Variants in ITGA11 observed in about 807,000 individuals in gnomAD.
ITGA11 encodes integrin alpha-11.
A neutral mutation model predicts 141.9 loss-of-function variants in ITGA11; 97 were observed. The observed-to-expected ratio is 0.68, with a 90% CI of 0.58 to 0.81. The LOEUF is 0.81. Ranked by LOEUF, ITGA11 falls within the 30% of genes least tolerant of loss-of-function variation. The pLI, the probability that ITGA11 is intolerant of heterozygous loss-of-function variation, is 0.00. For missense variants in ITGA11, 1,387 were observed against 1,559.2 expected, an observed-to-expected ratio of 0.89 and a Z score of 1.86; for synonymous variants, 658 against 624.6, an observed-to-expected ratio of 1.05 and a Z score of -0.80.
At position 68,326,648 on chromosome 15, in the gene ITGA11, G is replaced by T; in HGVS notation, c.2211+6C>A. The stretch of plus-strand genomic sequence containing the variant: ...TTGGGCTCTGCTGGTGGGGCTGCCA[G>T]CTTACCAGGACATGGAAGTTGATCC... On this transcript the variant is annotated splice_donor_region_variant and intron_variant, in intron 17 of 29. Coordinates refer to ENST00000315757, the MANE Select transcript of ITGA11 (RefSeq NM_001004439.2). This position sits in a 1 kb window ranked among gnomAD's most constrained non-coding sequence, Gnocchi z 6.8. 6.3e-7 allele frequency: 1 copy of T among 1,585,202 alleles called. No homozygotes were observed. Among genetic ancestry groups the T allele is most frequent in the East Asian group, 2.3e-5 (1 of 43,394 alleles).
intron 1 of ITGA11, among the ~76,000 whole-genome samples, chr15:68,405,879 C>A (rs946559822): frequency 2.0e-5 from 3 of 152,148 alleles, no homozygotes; most frequent in Non-Finnish European, 4.4e-5. Context: ...CACACATGCA[C>A]ACGCACACAG....
rs2271720 is a variant in ITGA11 at position 68,307,676 on chromosome 15, G to A, written c.3195C>T (p.Val1065=). 846 of 1,613,120 alleles carry A rather than the reference G, an allele frequency of 5.2e-4. 11 individuals carry two copies. The East Asian group carries it at 0.017, about 33-fold the overall frequency. ...GCCGTATATTGCAGTTGATGGAGACGACATCAGAGTTGCTGTGATTCTGAA... is the reference window on the plus strand; with the variant it reads ...GCCGTATATTGCAGTTGATGGAGACAACATCAGAGTTGCTGTGATTCTGAA... ...APQLNHSNSD[V]VSINCNIRLV... The change falls in exon 27 of 30, where the codon GTC becomes GTT. Residue 1065 remains valine (V), a synonymous_variant. Coordinates refer to ENST00000315757, the MANE Select transcript of ITGA11 (RefSeq NM_001004439.2). The surrounding 1 kb of genome is among the most constrained non-coding windows in gnomAD (Gnocchi z 6.1).
At chr15:68,345,965 G>GGTTTTA (rs1177529611) in intron 10 of ITGA11, among the ~76,000 whole-genome samples, 7 of 152,126 alleles carry the variant, frequency 4.6e-5, no homozygotes, top group Non-Finnish European at 1.0e-4. Context: ...GCATTTGAAA[G>GGTTTTA]GTTTTTGTTT....
intron 1 of ITGA11, among the ~76,000 whole-genome samples, chr15:68,407,512 G>C (rs77603163): frequency 6.6e-6 from 1 of 152,150 alleles, no homozygotes; most frequent in African/African-American, 2.4e-5. Flanking sequence ...TTTTCTCAGA[G>C]ATTGATGACT....
intron 7 of ITGA11, among the ~76,000 whole-genome samples, chr15:68,352,954 A>G (rs1894961005): frequency 6.6e-6 from 1 of 152,220 alleles, no homozygotes; most frequent in Non-Finnish European, 1.5e-5. Context: ...ACATGGTCTC[A>G]CCGAGGAGTC....
rs1893137211 is a variant in ITGA11 at position 68,304,799 on chromosome 15, AC to A, written c.3382-915del. Among the ~76,000 whole-genome samples the A allele has an allele frequency of 6.6e-6, 1 of 152,182 alleles. No homozygotes were observed. Among genetic ancestry groups the A allele is most frequent in the East Asian group, 1.9e-4 (1 of 5,194 alleles). On this transcript the variant is annotated intron_variant, in intron 28 of 29. Transcript: ENST00000315757. This position sits in a 1 kb window ranked among gnomAD's most constrained non-coding sequence, Gnocchi z 6.1. ...TCAGGCCAGAAGCCATGTATCCATC[AC>A]TGACCCTAACTCTCACACCCACACG...
chr15:68,405,912 G>GCA (rs369810967), intron 1 of ITGA11, among the ~76,000 whole-genome samples: 11 of 151,992 alleles, frequency 7.2e-5, no homozygotes, highest in East Asian at 3.9e-4. Context: ...GCACGCACGT[G>GCA]CACACACACA....
Position 68,315,627 on chromosome 15 carries a change from A to T in ITGA11, c.2792+24T>A, listed in dbSNP as rs566961278. On this transcript the variant is annotated intron_variant, in intron 22 of 29. Transcript: ENST00000315757. ...GGCCCCGGAATAGCAAGCTTTGGGG[A>T]GAAGGAGCAGGCACGGCCCTGACCT... 29 of 1,600,738 alleles carry T rather than the reference A, an allele frequency of 1.8e-5. No homozygotes were observed. In the African/African-American group the frequency reaches 3.6e-4, roughly 20 times the overall value.
intron 1 of ITGA11, among the ~76,000 whole-genome samples, chr15:68,419,716 G>A (rs181842667): frequency 8.7e-4 from 133 of 152,300 alleles, no homozygotes; most frequent in African/African-American, 3.0e-3. Context: ...AGAAGAGATC[G>A]AATGGAAGTC....
chr15:68,321,712 C>T lies in ITGA11; in HGVS notation c.2323-209G>A, dbSNP rs1013281483. Among the ~76,000 whole-genome samples, 23 of 152,288 alleles carry T rather than the reference C, an allele frequency of 1.5e-4. No homozygotes were observed. Among genetic ancestry groups the T allele is most frequent in the African/African-American group, 5.5e-4 (23 of 41,560 alleles). ...AAGCTCAGCTCCTCCTGGCTCCCCT[C>T]CAGTTCATAACTGAGCTGATGGCAC... On this transcript the variant is annotated intron_variant, in intron 18 of 29. Transcript: ENST00000315757. The surrounding 1 kb of genome is among the most constrained non-coding windows in gnomAD (Gnocchi z 4.9).
intron 1 of ITGA11, among the ~76,000 whole-genome samples, chr15:68,415,662 G>C (rs758793843): frequency 1.8e-4 from 27 of 152,208 alleles, no homozygotes; most frequent in Non-Finnish European, 3.2e-4. Context: ...ACCTTCCCCG[G>C]GAGGAGGAGC....
chr15:68,334,921 G>C (rs2140308294), intron 12 of ITGA11, among the ~76,000 whole-genome samples: 1 of 152,222 alleles, frequency 6.6e-6, no homozygotes, highest in South Asian at 2.1e-4. Context: ...CTGCACCCAA[G>C]AGACAGGAGG....
At chr15:68,430,184 C>T (rs1897237307) in intron 1 of ITGA11, among the ~76,000 whole-genome samples, 1 of 152,226 alleles carries the variant, frequency 6.6e-6, no homozygotes, top group Admixed American at 6.5e-5. Flanking sequence ...AAGCGGAGCT[C>T]TGAGTCACAA....
intron 1 of ITGA11, among the ~76,000 whole-genome samples, chr15:68,410,494 A>G (rs1896748862): frequency 6.6e-6 from 1 of 152,224 alleles, no homozygotes; most frequent in Non-Finnish European, 1.5e-5. Flanking sequence ...GGCCTAGGCA[A>G]AAAGATATGG....
intron 26 of ITGA11, among the ~76,000 whole-genome samples, chr15:68,309,410 C>T (rs1245994240): frequency 6.6e-6 from 1 of 152,080 alleles, no homozygotes; most frequent in African/African-American, 2.4e-5. Flanking sequence ...TCGCTCCTCT[C>T]AAAGGGACTT....
intron 10 of ITGA11, among the ~76,000 whole-genome samples, chr15:68,345,625 C>A (rs535459830): frequency 1.3e-5 from 2 of 152,236 alleles, no homozygotes; most frequent in Admixed American, 1.3e-4. Context: ...TAAACAGGCC[C>A]GGGGAAGCCC....
Position 68,431,412 on chromosome 15 carries a change from C to A in ITGA11, c.52+603G>T, listed in dbSNP as rs185469133. Among the ~76,000 whole-genome samples the A allele has an allele frequency of 3.4e-3, 516 of 152,346 alleles. 2 individuals are homozygous for A. The highest frequency in any genetic ancestry group is 0.012 in the African/African-American group (495 of 41,584). On this transcript the variant is annotated intron_variant, in intron 1 of 29. Coordinates refer to ENST00000315757, the MANE Select transcript of ITGA11 (RefSeq NM_001004439.2). ...GGTCCTGCGCTGCGCGACTGTGTCC[C>A]GCCGCTGCTGGCCGGGCAGACGAGA...
chr15:68,364,240 CTG>C (rs1895344651), intron 4 of ITGA11, among the ~76,000 whole-genome samples: 1 of 152,110 alleles, frequency 6.6e-6, no homozygotes, highest in Non-Finnish European at 1.5e-5. Context: ...CTGTGGTAGT[CTG>C]TGTTTACTCA....
chr15:68,376,651 A>G (rs1212301265), intron 2 of ITGA11, among the ~76,000 whole-genome samples: 1 of 152,258 alleles, frequency 6.6e-6, no homozygotes, highest in Non-Finnish European at 1.5e-5. Context: ...TTTGTCTTCC[A>G]ACATGGGTTG....
Sources: gnomAD v4.1 joint callset for allele counts (sites outside exome capture counted in the v4.1 genomes callset) on GRCh38, gnomAD v4.1.1 for gene constraint, Gnocchi (gnomAD v3.1) non-coding constraint, MANE v1.5 for transcripts, NCBI Gene and HGNC (gene_info 2026-07-23, HGNC 2026-07-21) for gene names.